Variants in ZFP64 observed in about 807,000 individuals in gnomAD.
The protein encoded by ZFP64 is zinc finger protein 64.
A neutral mutation model predicts 51.6 loss-of-function variants in ZFP64; 14 were observed. The ratio of observed to expected loss-of-function variants is 0.27; its 90% confidence interval spans 0.18 to 0.42. ZFP64 has a LOEUF of 0.42. ZFP64 is among the 10% of genes least tolerant of loss of function. The pLI is 1.00. For missense variants in ZFP64, 754 were observed against 906.8 expected (o/e 0.83, Z 2.16); for synonymous variants, 375 against 361.4 (o/e 1.04, Z -0.43).
chr20:52,142,378 A>ACACACACACACACGCGCG (rs1491325770), intron 5 of ZFP64, among the ~76,000 whole-genome samples: 4 of 38,348 alleles, frequency 1.0e-4, no homozygotes, highest in Admixed American at 3.6e-4. Context: ...ACACACACAG[A>ACACACACACACACGCGCG]CACACACACA....
intron 5 of ZFP64, chr20:52,110,444 A>G (rs542888280): frequency 9.7e-6 from 6 of 619,182 alleles, no homozygotes; most frequent in South Asian, 2.4e-5. Context: ...CTTGTTCTCA[A>G]TCAGCCTGGA....
intron 5 of ZFP64, among the ~76,000 whole-genome samples, chr20:52,100,975 G>T (rs2079043994): frequency 6.6e-6 from 1 of 152,170 alleles, no homozygotes; most frequent in Non-Finnish European, 1.5e-5. Flanking sequence ...AAGTGATCTA[G>T]TCCAGTGGCT....
intron 5 of ZFP64, among the ~76,000 whole-genome samples, chr20:52,156,032 A>ACCAATTTTAAAGTG (rs1981291984): frequency 6.6e-6 from 1 of 152,220 alleles, no homozygotes; most frequent in Admixed American, 6.5e-5. Context: ...CCTTTTCTAG[A>ACCAATTTTAAAGTG]CCAATTTTAA....
At chr20:52,113,336 A>AAAAG (rs137886019) in intron 5 of ZFP64, among the ~76,000 whole-genome samples, 135 of 147,616 alleles carry the variant, frequency 9.1e-4, no homozygotes, top group South Asian at 5.1e-3. Flanking sequence ...TCCGCCTCAA[A>AAAAG]AAAGAAAGAA....
chr20:52,162,480 A>G (rs1981896598), intron 4 of ZFP64, among the ~76,000 whole-genome samples: 1 of 151,768 alleles, frequency 6.6e-6, no homozygotes, highest in Non-Finnish European at 1.5e-5. Context: ...CAGAAAAACT[A>G]GCCGGGCGTG....
At position 52,151,975 on chromosome 20, in the gene ZFP64, T is replaced by C. The variant is rs892342191; in HGVS notation, c.*171A>G. 4 of 1,362,894 alleles carry C rather than the reference T, an allele frequency of 2.9e-6. No individual in the cohort carries two copies. Among genetic ancestry groups the C allele is most frequent in the African/African-American group, 1.5e-5 (1 of 68,190 alleles). The allele number at this position is 1,362,894 out of a possible 1,614,324, so 84.4% of individuals were successfully genotyped here. On this transcript the variant is annotated 3_prime_UTR_variant, in exon 6 of 6. Coordinates refer to ENST00000216923, the MANE Select transcript of ZFP64 (RefSeq NM_018197.3). The stretch of plus-strand genomic sequence containing the variant: ...TCGCTTGAACCTGGGAGGCGGACGT[T>C]GCAGTGAGCCAAGATAGCGCCACTG...
intron 2 of ZFP64, among the ~76,000 whole-genome samples, chr20:52,177,736 G>T (rs1033167818): frequency 2.0e-5 from 3 of 152,084 alleles, no homozygotes; most frequent in Non-Finnish European, 4.4e-5. Context: ...GTTTGCTGTT[G>T]TTAAGAGCAA....
chr20:52,101,433 C>G (rs368832700), intron 5 of ZFP64, among the ~76,000 whole-genome samples: 9 of 152,188 alleles, frequency 5.9e-5, no homozygotes, highest in East Asian at 5.8e-4. Context: ...GCAGTGGCAC[C>G]AACATGGCTC....
Position 52,143,016 on chromosome 20 carries a change from T to G in ZFP64, c.763+17107A>C, listed in dbSNP as rs1242764943. Among the ~76,000 whole-genome samples, 5 of 142,394 alleles carry G rather than the reference T, an allele frequency of 3.5e-5. 1 individual carries two copies. Among genetic ancestry groups the G allele is most frequent in the African/African-American group, 1.3e-4 (5 of 39,892 alleles). The allele number at this position is 142,394 out of a possible 152,430, so 93.4% of individuals were successfully genotyped here. A position where few individuals can be genotyped will look rare whatever the true frequency, so the allele number is the denominator to read the frequency against. On this transcript the variant is annotated intron_variant, in intron 5 of 8. Transcript: ENST00000361387. The stretch of plus-strand genomic sequence containing the variant: ...CTTTATCAGCAAAATGACTGCAACT[T>G]GCTGAAGGCTCATATGATTGTCAGC...
chr20:52,097,217 G>T, intron 7 of ZFP64: 1 of 853,990 alleles, frequency 1.2e-6, no homozygotes, highest in Non-Finnish European at 2.0e-6. Flanking sequence ...TCATGTCACA[G>T]CCCTTTTGCT....
At chr20:52,110,152 C>A (rs1978481801) in intron 5 of ZFP64, among the ~76,000 whole-genome samples, 1 of 152,160 alleles carries the variant, frequency 6.6e-6, no homozygotes, top group African/African-American at 2.4e-5. Context: ...CTCCAGCTAT[C>A]CCCACACCAG....
At chr20:52,102,258 G>T (rs112121798) in intron 5 of ZFP64, among the ~76,000 whole-genome samples, 2,154 of 152,220 alleles carry the variant, frequency 0.014, 48 homozygotes, top group African/African-American at 0.048. Flanking sequence ...TCAGACGTCA[G>T]CGTGTATCAG....
Position 52,134,279 on chromosome 20 carries a change from C to G in ZFP64, c.763+25844G>C, listed in dbSNP as rs147089873. Among the ~76,000 whole-genome samples the G allele has an allele frequency of 4.0e-3, 614 of 152,316 alleles. 6 individuals are homozygous for G. The highest frequency in any genetic ancestry group is 0.014 in the African/African-American group (573 of 41,568). On this transcript the variant is annotated intron_variant, in intron 5 of 8. Coordinates refer to the ZFP64 transcript ENST00000361387. ...AAGTCAGATTTTATCCAGGCTGCCT[C>G]TCTGCTAAATTTCTCATCTACTCAG...
At chr20:52,168,686 C>T (rs149544769) in intron 2 of ZFP64, among the ~76,000 whole-genome samples, 25 of 152,284 alleles carry the variant, frequency 1.6e-4, no homozygotes, top group South Asian at 4.2e-4. Context: ...TTTGCAAGAA[C>T]GTGCAACTGC....
chr20:52,176,920 G>T (rs2123093818), intron 2 of ZFP64, among the ~76,000 whole-genome samples: 1 of 152,200 alleles, frequency 6.6e-6, no homozygotes, highest in East Asian at 1.9e-4. Context: ...CAAAGTAGGG[G>T]GTCTGTTCTA....
At chr20:52,171,646 C>T (rs1367876179) in intron 2 of ZFP64, among the ~76,000 whole-genome samples, 2 of 151,970 alleles carry the variant, frequency 1.3e-5, no homozygotes, top group East Asian at 1.9e-4. Context: ...CACACCACCA[C>T]ACCTGGCTAA....
chr20:52,143,777 T>C (rs1399121737), intron 5 of ZFP64, among the ~76,000 whole-genome samples: 2 of 142,566 alleles, frequency 1.4e-5, no homozygotes, highest in Admixed American at 7.2e-5. Context: ...CTGGAATCCT[T>C]GGGCTCATGT....
At chr20:52,124,539 A>G (rs1216753967) in intron 5 of ZFP64, among the ~76,000 whole-genome samples, 2 of 152,188 alleles carry the variant, frequency 1.3e-5, no homozygotes, top group African/African-American at 4.8e-5. Flanking sequence ...AGTGTTCACT[A>G]AAAAATTCAG....
At chr20:52,122,151 A>G (rs1281640576) in intron 5 of ZFP64, among the ~76,000 whole-genome samples, 3 of 152,226 alleles carry the variant, frequency 2.0e-5, no homozygotes, top group Non-Finnish European at 2.9e-5. Flanking sequence ...TGTTGTTTTC[A>G]TGCCTGCTGA....
Sources: allele counts gnomAD v4.1 joint callset (sites outside exome capture counted in the v4.1 genomes callset), GRCh38; gene constraint gnomAD v4.1.1; transcripts MANE v1.5; gene names NCBI Gene and HGNC (gene_info 2026-07-23, HGNC 2026-07-21).